The following SETDB1 variants were observed in gnomAD, a reference collection of about 807,000 sequenced individuals.
The protein encoded by SETDB1 is histone-lysine N-methyltransferase SETDB1.
In SETDB1, 31 loss-of-function variants were observed where a neutral mutation model predicts 137.4. The observed-to-expected ratio is 0.23, with a 90% confidence interval of 0.17 to 0.30. The LOEUF is 0.30. Ranked by LOEUF, SETDB1 falls within the 10% of genes least tolerant of loss-of-function variation. SETDB1 has a pLI of 1.00. For missense variants in SETDB1, 1,113 were observed against 1,631.5 expected (o/e 0.68, Z 5.47); for synonymous variants, 548 against 579.9 (o/e 0.95, Z 0.79).
rs186820437 is a variant in SETDB1, at chr1:150,945,148, G to C, written c.1140+40G>C. 2.6e-5 allele frequency: 42 copies of C among 1,607,772 alleles called. No homozygotes were observed. In the East Asian group the frequency reaches 6.3e-4, roughly 24 times the overall value. On this transcript the variant is annotated intron_variant, in intron 9 of 21. Coordinates refer to ENST00000692827, the MANE Select transcript of SETDB1 (RefSeq NM_001366418.1). ...TACAATTTTGGAGGCAGAGGTTGGT[G>C]GGGGGGGAACTTAAGAAGCAGTAAT... is the stretch of plus-strand genomic sequence containing the variant.
rs781580821 is a variant in SETDB1, at chr1:150,949,475, A to G, written c.1533A>G (p.Ala511=). 1 of 1,614,072 alleles carries G rather than the reference A, an allele frequency of 6.2e-7. No homozygotes were observed. The highest frequency in any genetic ancestry group is 2.2e-5 in the East Asian group (1 of 44,874). The change falls in exon 12 of 22, where the codon GCA becomes GCG. Residue 511 remains alanine (A), a synonymous_variant. Coordinates refer to ENST00000692827, the MANE Select transcript of SETDB1 (RefSeq NM_001366418.1). ...GSGHSSPTSP[A]LSENVSGGKP... ...GTCATTCCTCCCCTACATCTCCTGCACTCAGTGAAAATGTCTCTGGTGGGA... is the reference window on the plus strand; with the variant it reads ...GTCATTCCTCCCCTACATCTCCTGCGCTCAGTGAAAATGTCTCTGGTGGGA...
At chr1:150,929,385 A>ATT (rs35486314) in intron 2 of SETDB1, among the ~76,000 whole-genome samples, 9 of 147,912 alleles carry the variant, frequency 6.1e-5, no homozygotes, top group South Asian at 2.1e-4. Flanking sequence ...ATTTTATTTT[A>ATT]TTTTTTTTTT....
In SETDB1 at chr1:150,964,524, G is replaced by T. The variant is rs1284026805; in HGVS notation, c.*160G>T. 1 of 709,668 alleles carries T rather than the reference G, an allele frequency of 1.4e-6. No individual in the cohort carries two copies. Among genetic ancestry groups the T allele is most frequent in the African/African-American group, 1.7e-5 (1 of 57,266 alleles). 44.0% of individuals were successfully genotyped at this position (709,668 alleles called of 1,614,324 possible). A position where few individuals can be genotyped will look rare whatever the true frequency, so the allele number is the denominator to read the frequency against. On this transcript the variant is annotated 3_prime_UTR_variant, in exon 22 of 22. Coordinates refer to ENST00000692827, the MANE Select transcript of SETDB1 (RefSeq NM_001366418.1). ...TGGACCAGATGATCCCTTCCAATGTGGTGCTAGCAGGCAGGATCCCTTCTC... is the reference window on the plus strand; with the variant it reads ...TGGACCAGATGATCCCTTCCAATGTTGTGCTAGCAGGCAGGATCCCTTCTC...
Position 150,963,626 on chromosome 1 carries a change from T to C in SETDB1, c.3557T>C (p.Val1186Ala). 1 of 1,614,136 alleles carries C rather than the reference T, an allele frequency of 6.2e-7. No individual in the cohort carries two copies. The highest frequency in any genetic ancestry group is 8.5e-7 in the Non-Finnish European group (1 of 1,180,034). ...ATTAAATCAACCAACATGGCCTCTGTGGACAAGGGGGAGAGCGCACCTGTT... is the reference window on the plus strand; with the variant it reads ...ATTAAATCAACCAACATGGCCTCTGCGGACAAGGGGGAGAGCGCACCTGTT... ...IAIKSTNMAS[V>A]DKGESAPVRK... The change falls in exon 20 of 22, where the codon GTG (valine) becomes GCG (alanine). Residue 1186 changes from valine to alanine, a missense_variant. Val to Ala is a moderately conservative substitution (Grantham distance 64). This residue lies in a region of SETDB1 where 373 missense variants were observed against 412.7 expected (regional missense o/e 0.90). Coordinates refer to ENST00000692827, the MANE Select transcript of SETDB1 (RefSeq NM_001366418.1).
chr1:150,956,385 C>CA (rs5777743), intron 14 of SETDB1, among the ~76,000 whole-genome samples: 48,007 of 116,530 alleles, frequency 0.41, 8,288 homozygotes, highest in South Asian at 0.55. Context: ...GACTCCGCCT[C>CA]AAAAAAAAAA....
At chr1:150,961,866 A>G in intron 16 of SETDB1, 1 of 534,770 alleles carries the variant, frequency 1.9e-6, no homozygotes. Flanking sequence ...CACATTACAG[A>G]TGGTGAAACT....
chr1:150,930,962 A>G (rs1168228732), intron 3 of SETDB1, among the ~76,000 whole-genome samples: 1 of 152,088 alleles, frequency 6.6e-6, no homozygotes, highest in Non-Finnish European at 1.5e-5. Flanking sequence ...ACAGTGTTGA[A>G]TAAGTTTTAA....
At chr1:150,928,079 A>C in intron 2 of SETDB1, 105 bp downstream of exon 2, 2 of 1,376,144 alleles carry the variant, frequency 1.5e-6, no homozygotes, top group South Asian at 2.7e-5. Context: ...ATGTTTTGAG[A>C]CGGAGTCTCG....
chr1:150,960,520 G>A, intron 15 of SETDB1, 43 bp from the exon 16 acceptor site: 2 of 1,425,338 alleles, frequency 1.4e-6, no homozygotes, highest in Non-Finnish European at 1.9e-6. Flanking sequence ...AAACTAATAG[G>A]TCCCCATAAC....
chr1:150,940,112 T>C (rs1670086099), intron 4 of SETDB1, 138 bp downstream of exon 4: 3 of 545,402 alleles, frequency 5.5e-6, no homozygotes, highest in Non-Finnish European at 9.9e-6. Context: ...TGCAGTCCTC[T>C]GATTGATGCT....
In SETDB1 at chr1:150,942,867, AC is replaced by A; in HGVS notation, c.690del (p.Tyr230Ter). On this transcript the variant is annotated frameshift_variant, in exon 7 of 22. Transcript: ENST00000692827. LOFTEE classifies it high-confidence loss of function. ...TTTTACTCAGGGCCAGGGAAGAAATACAAGGTGAAATTTGACAACAAAGGAA... is the reference window on the plus strand; with the variant it reads ...TTTTACTCAGGGCCAGGGAAGAAATAAAGGTGAAATTTGACAACAAAGGAA... ...AIQTVGPGKK[Y>X]KVKFDNKGKS... is the part of the protein sequence containing the mutation. 1 of 1,614,156 alleles carries A rather than the reference AC, an allele frequency of 6.2e-7. No homozygotes were observed. The highest frequency in any genetic ancestry group is 8.5e-7 in the Non-Finnish European group (1 of 1,179,974).
In SETDB1 at chr1:150,964,243, TC is replaced by T. The variant is rs1320832966; in HGVS notation, c.3762-3del. The stretch of plus-strand genomic sequence containing the variant: ...CCACACACCATCCTTTTCTTCCTCT[TC>T]AGAAGAATCCGGGCTGGGACAGAAC... On this transcript the variant is annotated splice_polypyrimidine_tract_variant and splice_region_variant and intron_variant, in intron 21 of 21. Coordinates refer to ENST00000692827, the MANE Select transcript of SETDB1 (RefSeq NM_001366418.1). The T allele has an allele frequency of 3.1e-6, 5 of 1,612,412 alleles. No individual in the cohort carries two copies. The South Asian group carries it at 5.5e-5, about 18-fold the overall frequency.
In SETDB1 at chr1:150,926,408, C is replaced by G. The variant is rs587727289; in HGVS notation, c.-121C>G. 1.8e-4 allele frequency: 41 copies of G among 223,882 alleles called. 1 individual carries two copies. The highest frequency in any genetic ancestry group is 3.2e-4 in the Non-Finnish European group (36 of 111,132). 13.9% of individuals were successfully genotyped at this position (223,882 alleles called of 1,614,324 possible). A position where few individuals can be genotyped will look rare whatever the true frequency, so the allele number is the denominator to read the frequency against. ...CCTCTTTCACGCTTCCTCCCCTCCC[C>G]CTCCTCCCTTATCCCTTCGCTTTCG... On this transcript the variant is annotated 5_prime_UTR_variant, in exon 1 of 22. Transcript: ENST00000692827.
intron 14 of SETDB1, among the ~76,000 whole-genome samples, chr1:150,953,110 A>G (rs1380293350): frequency 6.6e-6 from 1 of 152,220 alleles, no homozygotes; most frequent in East Asian, 1.9e-4. Context: ...AAGGTTGAGC[A>G]GAGGAGGTGG....
rs763864014 is a variant in SETDB1, at chr1:150,951,046, T to C, written c.2172T>C (p.Pro724=). The C allele has an allele frequency of 4.3e-6, 7 of 1,612,672 alleles. No individual in the cohort carries two copies. Among genetic ancestry groups the C allele is most frequent in the Non-Finnish European group, 5.9e-6 (7 of 1,178,776 alleles). The change falls in exon 13 of 22, where the codon CCT becomes CCC. Residue 724 remains proline, a synonymous_variant. Coordinates refer to ENST00000692827, the MANE Select transcript of SETDB1 (RefSeq NM_001366418.1). ...AGGGTGTTTTCATTAACACAGGCCC[T>C]GAATTTCTGGTTGGCTGTGACTGCA... The part of the protein sequence containing the change: ...PGKGVFINTG[P]EFLVGCDCKD...
At chr1:150,951,222 C>A in intron 13 of SETDB1, 132 bp downstream of exon 13, 1 of 1,176,214 alleles carries the variant, frequency 8.5e-7, no homozygotes, top group Non-Finnish European at 1.2e-6. Flanking sequence ...GGAACTCCTG[C>A]TATAAGGCCT....
chr1:150,937,124 CAAAG>C (rs1669970134), intron 3 of SETDB1, among the ~76,000 whole-genome samples: 1 of 140,460 alleles, frequency 7.1e-6, no homozygotes, highest in South Asian at 2.2e-4. Flanking sequence ...GAATCTGTCT[CAAAG>C]AAAAAATATA....
chr1:150,934,737 C>T (rs953264052), intron 3 of SETDB1, among the ~76,000 whole-genome samples: 2 of 152,102 alleles, frequency 1.3e-5, no homozygotes, highest in African/African-American at 4.8e-5. Flanking sequence ...CATGTTTTTC[C>T]AGCCAGACGG....
chr1:150,960,570 C>T lies in SETDB1; in HGVS notation c.2511C>T (p.Ile837=), dbSNP rs587702983. 10 of 1,611,728 alleles carry T rather than the reference C, an allele frequency of 6.2e-6. No homozygotes were observed. In the Admixed American group the frequency reaches 1.2e-4, roughly 19 times the overall value. The stretch of plus-strand genomic sequence containing the variant: ...AATTCTCTTCATTCTCAGGCAAAAT[C>T]CTGACAGATGACTTTGCAGACAAGG... ...GSFVCIYAGK[I]LTDDFADKEG... Residue 837 remains isoleucine (I), a synonymous_variant, in exon 16 of 22, where the codon ATC becomes ATT. Coordinates refer to ENST00000692827, the MANE Select transcript of SETDB1 (RefSeq NM_001366418.1).
Sources: allele counts gnomAD v4.1 joint callset (sites outside exome capture counted in the v4.1 genomes callset), GRCh38; gene constraint gnomAD v4.1.1; regional missense constraint gnomAD v4.1.1; transcripts MANE v1.5; gene names NCBI Gene and HGNC (gene_info 2026-07-23, HGNC 2026-07-21).